Variants in LDAH observed in about 807,000 individuals in gnomAD.
The protein encoded by LDAH is lipid droplet associated hydrolase, also known as lipid droplet-associated hydrolase.
A neutral mutation model predicts 29.6 loss-of-function variants in LDAH; 26 were observed. That is an observed-to-expected ratio of 0.88 (90% confidence interval 0.64 to 1.22). The LOEUF is 1.22. Ranked by LOEUF, LDAH falls within the 50% of genes most tolerant of loss-of-function variation. The probability of loss-of-function intolerance (pLI) is 0.00; values close to 1 mark genes in which losing one functional copy is unlikely to be tolerated. For synonymous variants in LDAH, 117 were observed against 133.0 expected (o/e 0.88, Z 0.83); for missense variants, 344 against 387.3 (o/e 0.89, Z 0.94).
At chr2:20,789,300 T>A (rs1250655705) in intron 3 of LDAH, 1 of 1,549,058 alleles carries the variant, frequency 6.5e-7, no homozygotes, top group Non-Finnish European at 8.7e-7. Context: ...CAAGAGGGCT[T>A]GCCTCCTGTG....
Position 20,723,356 on chromosome 2 carries a change from G to A in LDAH, c.703+16615C>T, listed in dbSNP as rs536698341. On this transcript the variant is annotated intron_variant, in intron 5 of 6. Coordinates refer to ENST00000237822, the MANE Select transcript of LDAH (RefSeq NM_021925.4). ...AGCATAAGGGGGTCTTCTGAGACTC[G>A]GGCAATGGTGATTCTTGAGTGGGTG... Among the ~76,000 whole-genome samples, 14 of 152,128 alleles carry A rather than the reference G, an allele frequency of 9.2e-5. No homozygotes were observed. The South Asian group carries it at 2.3e-3, about 25-fold the overall frequency.
At chr2:20,783,012 T>C (rs1341504895) in intron 3 of LDAH, among the ~76,000 whole-genome samples, 3 of 152,238 alleles carry the variant, frequency 2.0e-5, no homozygotes, top group Non-Finnish European at 4.4e-5. Flanking sequence ...TTTTTATAAG[T>C]TGTATTTCCA....
intron 4 of LDAH, among the ~76,000 whole-genome samples, chr2:20,769,924 G>A (rs1384096531): frequency 6.6e-6 from 1 of 152,150 alleles, no homozygotes; most frequent in Non-Finnish European, 1.5e-5. Flanking sequence ...AAGAGAAGAA[G>A]TACTTAACAC....
At chr2:20,776,745 C>T (rs1242208892) in intron 3 of LDAH, among the ~76,000 whole-genome samples, 1 of 152,086 alleles carries the variant, frequency 6.6e-6, no homozygotes, top group Non-Finnish European at 1.5e-5. Context: ...TACCTTGCTT[C>T]TCTAATCACT....
chr2:20,733,694 G>A (rs1666581534), intron 5 of LDAH, among the ~76,000 whole-genome samples: 1 of 151,934 alleles, frequency 6.6e-6, no homozygotes, highest in Non-Finnish European at 1.5e-5. Flanking sequence ...ATGAGCCACA[G>A]TGCCTGGCCA....
intron 4 of LDAH, among the ~76,000 whole-genome samples, chr2:20,749,241 CTT>C (rs1233366777): frequency 1.3e-5 from 2 of 152,126 alleles, no homozygotes; most frequent in Non-Finnish European, 2.9e-5. Context: ...CTCAAAATTT[CTT>C]CTCTATAAGG....
At chr2:20,808,095 A>C (rs1348779133) in intron 1 of LDAH, among the ~76,000 whole-genome samples, 1 of 152,174 alleles carries the variant, frequency 6.6e-6, no homozygotes, top group Non-Finnish European at 1.5e-5. Context: ...TAACAGCATC[A>C]AAAAAATCAA....
chr2:20,816,099 C>T (rs1672833726), intron 1 of LDAH, among the ~76,000 whole-genome samples: 1 of 151,858 alleles, frequency 6.6e-6, no homozygotes, highest in Non-Finnish European at 1.5e-5. Context: ...TTGTTATACC[C>T]AAAGCACACT....
At chr2:20,720,284 T>C (rs987063466) in intron 5 of LDAH, among the ~76,000 whole-genome samples, 18 of 152,030 alleles carry the variant, frequency 1.2e-4, no homozygotes, top group Non-Finnish European at 1.9e-4. Flanking sequence ...AAAATCAACA[T>C]ACAAAAATCA....
intron 5 of LDAH, among the ~76,000 whole-genome samples, chr2:20,715,888 C>A (rs1307808489): frequency 1.3e-5 from 2 of 151,980 alleles, no homozygotes; most frequent in African/African-American, 2.4e-5. Context: ...AGAGGACAAA[C>A]AAACAACCCC....
At chr2:20,774,665 G>A (rs1669668882) in intron 4 of LDAH, 145 bp downstream of exon 4, 2 of 762,498 alleles carry the variant, frequency 2.6e-6, no homozygotes, top group Non-Finnish European at 4.4e-6. Flanking sequence ...GTAATATGGA[G>A]ATAAGGATAA....
chr2:20,806,627 T>C (rs924116326), intron 1 of LDAH, among the ~76,000 whole-genome samples: 2 of 151,924 alleles, frequency 1.3e-5, no homozygotes, highest in African/African-American at 4.8e-5. Flanking sequence ...AGAAAACCTT[T>C]TTAAAAATGT....
chr2:20,715,882 GACAA>G (rs937963347), intron 5 of LDAH, among the ~76,000 whole-genome samples: 9 of 151,882 alleles, frequency 5.9e-5, no homozygotes, highest in African/African-American at 9.7e-5. Flanking sequence ...AGTGAGAGAG[GACAA>G]ACAAACAACC....
downstream of LDAH, among the ~76,000 whole-genome samples, chr2:20,683,160 C>T (rs535409948): frequency 6.6e-6 from 1 of 152,314 alleles, no homozygotes; most frequent in South Asian, 2.1e-4. Context: ...GCCGGTCTTG[C>T]TCTAGAGATG....
chr2:20,702,333 T>G, intron 5 of LDAH, among the ~76,000 whole-genome samples: 1 of 152,232 alleles, frequency 6.6e-6, no homozygotes, highest in South Asian at 2.1e-4. Context: ...TTATCTTGCT[T>G]TCTTTTTTGC....
chr2:20,709,442 T>G (rs937696100), intron 5 of LDAH, among the ~76,000 whole-genome samples: 4 of 152,088 alleles, frequency 2.6e-5, no homozygotes, highest in African/African-American at 9.7e-5. Flanking sequence ...CAAGGAAATA[T>G]AATCAAAACC....
chr2:20,779,552 A>C (rs1184394157), intron 3 of LDAH, among the ~76,000 whole-genome samples: 2 of 150,502 alleles, frequency 1.3e-5, no homozygotes, highest in African/African-American at 5.0e-5. Flanking sequence ...CATGCTATAC[A>C]TATATATAAA....
intron 4 of LDAH, among the ~76,000 whole-genome samples, chr2:20,747,665 C>T (rs1045533861): frequency 2.0e-5 from 3 of 152,096 alleles, no homozygotes; most frequent in Admixed American, 1.3e-4. Flanking sequence ...ATATTTTAAT[C>T]AAGAGTTTGC....
chr2:20,819,252 T>C (rs1363316355), intron 1 of LDAH, among the ~76,000 whole-genome samples: 1 of 152,162 alleles, frequency 6.6e-6, no homozygotes, highest in Non-Finnish European at 1.5e-5. Context: ...GCTTTCAGCT[T>C]CTGGACATCA....
Sources: gnomAD v4.1 joint callset for allele counts (sites outside exome capture counted in the v4.1 genomes callset) on GRCh38, gnomAD v4.1.1 for gene constraint, MANE v1.5 for transcripts, NCBI Gene and HGNC (gene_info 2026-07-23, HGNC 2026-07-21) for gene names.